The following NFATC3 variants were observed in gnomAD, a reference collection of about 807,000 sequenced individuals.
NFATC3 encodes nuclear factor of activated T cells 3, also known as nuclear factor of activated T-cells, cytoplasmic 3.
In NFATC3, 46 loss-of-function variants were observed where a neutral mutation model predicts 98.6. That is an observed-to-expected ratio of 0.47 (90% CI 0.37 to 0.60). The LOEUF (loss-of-function observed/expected upper bound fraction) is 0.60, where lower values mean the gene tolerates loss of function less well. NFATC3 is among the 20% of genes least tolerant of loss of function. The probability of loss-of-function intolerance (pLI) is 0.00; values close to 1 mark genes in which losing one functional copy is unlikely to be tolerated. For synonymous variants in NFATC3, 512 were observed against 472.2 expected (o/e 1.08, Z -1.09); for missense variants, 1,256 against 1,295.5 (o/e 0.97, Z 0.47).
At chr16:68,211,483 G>T (rs1292700776) in intron 9 of NFATC3, among the ~76,000 whole-genome samples, 1 of 151,260 alleles carries the variant, frequency 6.6e-6, no homozygotes, top group Non-Finnish European at 1.5e-5. Flanking sequence ...ACTGTGCCCG[G>T]CTGAAACTCT....
rs114660637 is a variant in NFATC3, at chr16:68,150,966, A to G, written c.1402-6903A>G. Among the ~76,000 whole-genome samples the G allele has an allele frequency of 5.7e-3, 866 of 152,222 alleles. 9 individuals are homozygous for G. The highest frequency in any genetic ancestry group is 0.019 in the African/African-American group (796 of 41,528). On this transcript the variant is annotated intron_variant, in intron 3 of 9. Transcript: ENST00000346183. ...TAAATTTCCTGAGGCCCCCCCAGCC[A>G]TGGGGGACTGTGAGTCAATTAAACC...
intron 3 of NFATC3, among the ~76,000 whole-genome samples, chr16:68,147,764 A>G (rs2038110662): frequency 6.6e-6 from 1 of 151,964 alleles, no homozygotes; most frequent in African/African-American, 2.4e-5. Context: ...TGAAAAAAAA[A>G]AAAAAAAAAA....
At chr16:68,180,962 CAT>C (rs1202350970) in intron 6 of NFATC3, among the ~76,000 whole-genome samples, 2 of 152,160 alleles carry the variant, frequency 1.3e-5, no homozygotes, top group African/African-American at 2.4e-5. Context: ...CCACAATAAA[CAT>C]ATGTGTGCAT....
chr16:68,090,874 A>G (rs2034674510), intron 1 of NFATC3, among the ~76,000 whole-genome samples: 1 of 152,200 alleles, frequency 6.6e-6, no homozygotes, highest in Non-Finnish European at 1.5e-5. Flanking sequence ...GAGAATATGT[A>G]TTAGACGACT....
chr16:68,214,092 C>T (rs759774359), intron 9 of NFATC3, among the ~76,000 whole-genome samples: 6 of 152,128 alleles, frequency 3.9e-5, no homozygotes, highest in Non-Finnish European at 5.9e-5. Context: ...AATTGTAACT[C>T]TTAAAGTTAT....
intron 2 of NFATC3, among the ~76,000 whole-genome samples, chr16:68,123,559 G>C (rs1344634042): frequency 6.6e-6 from 1 of 151,542 alleles, no homozygotes; most frequent in Non-Finnish European, 1.5e-5. Context: ...CTAGCTGCTT[G>C]GGAGGCTGAG....
chr16:68,118,331 T>G (rs563078546), intron 1 of NFATC3, among the ~76,000 whole-genome samples: 1 of 152,332 alleles, frequency 6.6e-6, no homozygotes, highest in African/African-American at 2.4e-5. Flanking sequence ...CAGTCTCTCC[T>G]GAGACTGACT....
intron 1 of NFATC3, among the ~76,000 whole-genome samples, chr16:68,111,838 T>G (rs2035961307): frequency 6.6e-6 from 1 of 152,196 alleles, no homozygotes; most frequent in Non-Finnish European, 1.5e-5. Flanking sequence ...ATTCCCTCAT[T>G]ATTTGCTTGT....
At chr16:68,176,543 C>T (rs1331443138) in intron 6 of NFATC3, among the ~76,000 whole-genome samples, 2 of 151,934 alleles carry the variant, frequency 1.3e-5, no homozygotes, top group Non-Finnish European at 2.9e-5. Context: ...CGATATTGTC[C>T]AGTTTTTGGC....
At chr16:68,104,724 T>A (rs1009020332) in intron 1 of NFATC3, among the ~76,000 whole-genome samples, 1 of 150,406 alleles carries the variant, frequency 6.6e-6, no homozygotes, top group Non-Finnish European at 1.5e-5. Context: ...CGATCTCTGC[T>A]CACTGCAAGC....
intron 6 of NFATC3, among the ~76,000 whole-genome samples, chr16:68,175,839 C>T (rs546159723): frequency 4.6e-5 from 7 of 152,054 alleles, no homozygotes; most frequent in South Asian, 2.1e-4. Flanking sequence ...AGGATCTACG[C>T]GCCAGTCATG....
chr16:68,164,780 T>G (rs1017296893), intron 4 of NFATC3, among the ~76,000 whole-genome samples: 8 of 152,064 alleles, frequency 5.3e-5, no homozygotes, highest in Non-Finnish European at 1.0e-4. Flanking sequence ...CTTGGGAGGC[T>G]GAGGCAGGAG....
chr16:68,092,369 C>T (rs2034761269), intron 1 of NFATC3, among the ~76,000 whole-genome samples: 1 of 151,086 alleles, frequency 6.6e-6, no homozygotes, highest in Non-Finnish European at 1.5e-5. Flanking sequence ...GGCAGAATTG[C>T]TTGAACTTGG....
chr16:68,160,984 G>A (rs1178687442), intron 4 of NFATC3, among the ~76,000 whole-genome samples: 7 of 152,050 alleles, frequency 4.6e-5, no homozygotes, highest in Non-Finnish European at 1.5e-5. Context: ...CCACTGCAAC[G>A]GCCTTAAACA....
At position 68,157,233 on chromosome 16, in the gene NFATC3, C is replaced by CCT. The variant is rs546925419; in HGVS notation, c.1402-630_1402-629dup. 2.6e-5 allele frequency among the ~76,000 whole-genome samples: 4 copies of CCT among 151,500 alleles called. No homozygotes were observed. The East Asian group carries it at 7.8e-4, about 29-fold the overall frequency. Reference sequence around the variant, plus strand: ...GTCTCTCTCTCCTTCTCCTTCTCTCCCTCTCTCCCTCTTTCTCTTTCCCGA... The same window carrying CCT: ...GTCTCTCTCTCCTTCTCCTTCTCTCCCTCTCTCTCCCTCTTTCTCTTTCCCGA... On this transcript the variant is annotated intron_variant, in intron 3 of 9. Coordinates refer to ENST00000346183, the MANE Select transcript of NFATC3 (RefSeq NM_173165.3).
chr16:68,215,396 T>C (rs996059656), intron 9 of NFATC3, among the ~76,000 whole-genome samples: 4 of 152,218 alleles, frequency 2.6e-5, no homozygotes, highest in Non-Finnish European at 5.9e-5. Flanking sequence ...GAAAATAAGT[T>C]GCAGAAGGAT....
intron 1 of NFATC3, chr16:68,086,066 A>G (rs1567488869): frequency 2.6e-6 from 1 of 379,066 alleles, no homozygotes; most frequent in East Asian, 4.4e-5. Context: ...CTGCTGCCCA[A>G]GTGGCGTCTG....
intron 6 of NFATC3, among the ~76,000 whole-genome samples, chr16:68,180,534 G>A (rs1159498562): frequency 6.6e-6 from 1 of 151,944 alleles, no homozygotes; most frequent in African/African-American, 2.4e-5. Flanking sequence ...AAGTTCTAGG[G>A]TACATATGCA....
chr16:68,158,092 G>A (rs1220299310), intron 4 of NFATC3, 24 bp downstream of exon 4: 2 of 1,509,846 alleles, frequency 1.3e-6, no homozygotes, highest in Non-Finnish European at 1.8e-6. Context: ...TACCTAAAAT[G>A]TGCAGTTCTT....
Sources: allele counts gnomAD v4.1 joint callset (sites outside exome capture counted in the v4.1 genomes callset), GRCh38; gene constraint gnomAD v4.1.1; transcripts MANE v1.5; gene names NCBI Gene and HGNC (gene_info 2026-07-23, HGNC 2026-07-21).